NMRK2: variants seen among roughly 807,000 people sequenced by gnomAD.
NMRK2 encodes the protein NRK 2.
A neutral mutation model predicts 24.7 loss-of-function variants in NMRK2; 34 were observed. That is an observed-to-expected ratio of 1.37 (90% CI 1.05 to 1.83). The LOEUF (loss-of-function observed/expected upper bound fraction) is 1.83. Ranked by LOEUF, NMRK2 falls within the 40% of genes most tolerant of loss-of-function variation. The pLI is 0.00. For missense variants in NMRK2, 341 were observed against 315.0 expected (o/e 1.08, Z -0.62); for synonymous variants, 145 against 125.6 (o/e 1.15, Z -1.03).
chr19:3,938,599 C>G lies in NMRK2; in HGVS notation c.167-4C>G. 1.9e-6 allele frequency: 3 copies of G among 1,562,502 alleles called. No individual in the cohort carries two copies. The highest frequency in any genetic ancestry group is 2.6e-6 in the Non-Finnish European group (3 of 1,151,088). ...TCCTGCAATGCCTGCTCCCCTTTCCCCAGTGCTGGAGTCTCTGGACATGGA... is the reference window on the plus strand; with the variant it reads ...TCCTGCAATGCCTGCTCCCCTTTCCGCAGTGCTGGAGTCTCTGGACATGGA... On this transcript the variant is annotated splice_region_variant and splice_polypyrimidine_tract_variant and intron_variant, in intron 4 of 7. Coordinates refer to ENST00000168977, the MANE Select transcript of NMRK2 (RefSeq NM_170678.3).
chr19:3,942,254 C>G lies in NMRK2; in HGVS notation c.674C>G (p.Ser225Cys), dbSNP rs1471208711. Reference protein sequence around the residue: ...CGHRTARPAASQQDSM With the variant: ...CGHRTARPAACQQDSM ...CACAGAACGGCCAGGCCTGCAGCGT[C>G]CCAGCAGGACAGCATGTGAGCGTTT... The change falls in exon 8 of 8, where the codon TCC (serine) becomes TGC (cysteine). Residue 225 changes from serine to cysteine, a missense_variant. Ser to Cys is a moderately radical substitution (Grantham distance 112). Coordinates refer to ENST00000168977, the MANE Select transcript of NMRK2 (RefSeq NM_170678.3). The G allele has an allele frequency of 6.2e-7, 1 of 1,610,344 alleles. No individual in the cohort carries two copies. The highest frequency in any genetic ancestry group is 1.7e-5 in the Admixed American group (1 of 59,456).
In NMRK2 at chr19:3,936,643, T is replaced by C; in HGVS notation, c.95T>C (p.Ile32Thr). The part of the protein sequence containing the change: ...LLRALPNCCV[I>T]HQDDFFKPQD... The stretch of plus-strand genomic sequence containing the variant: ...AGAGCCCTGCCCAACTGCTGCGTGA[T>C]CCATCAGGATGACTTCTTCAAGGTG... The change falls in exon 3 of 8, where the codon ATC becomes ACC. Residue 32 changes from isoleucine to threonine, a missense_variant. Coordinates refer to ENST00000168977, the MANE Select transcript of NMRK2 (RefSeq NM_170678.3). The C allele has an allele frequency of 1.3e-6, 2 of 1,570,664 alleles. No homozygotes were observed. The highest frequency in any genetic ancestry group is 1.7e-6 in the Non-Finnish European group (2 of 1,158,154).
intron 2 of NMRK2, among the ~76,000 whole-genome samples, chr19:3,934,779 C>T (rs2039185095): frequency 6.6e-6 from 1 of 151,896 alleles, no homozygotes; most frequent in Non-Finnish European, 1.5e-5. Context: ...TGGGGGGTTT[C>T]ACCATGTTGG....
intron 2 of NMRK2, among the ~76,000 whole-genome samples, chr19:3,936,144 G>C (rs1446375114): frequency 1.3e-5 from 2 of 151,906 alleles, no homozygotes; most frequent in African/African-American, 2.4e-5. Flanking sequence ...CTGGGAGGCA[G>C]AGGTTGCAGT....
chr19:3,936,941 C>T (rs575552063), intron 3 of NMRK2, among the ~76,000 whole-genome samples: 2 of 152,284 alleles, frequency 1.3e-5, no homozygotes, highest in East Asian at 3.9e-4. Context: ...GGGAAAGCCA[C>T]CATTCCTCCA....
chr19:3,939,513 C>CA (rs898664159), intron 5 of NMRK2, among the ~76,000 whole-genome samples: 319 of 148,934 alleles, frequency 2.1e-3, no homozygotes, highest in African/African-American at 7.3e-3. Context: ...GACTCCATCT[C>CA]AAAAAAAAAA....
At chr19:3,941,344 G>A (rs1292537198) in intron 7 of NMRK2, among the ~76,000 whole-genome samples, 167 bp downstream of exon 7, 2 of 151,672 alleles carry the variant, frequency 1.3e-5, no homozygotes, top group Admixed American at 1.3e-4. Flanking sequence ...CCGCCTCCCA[G>A]GTTCAAGCCA....
At chr19:3,940,670 G>C (rs1191767915) in intron 6 of NMRK2, among the ~76,000 whole-genome samples, 1 of 151,292 alleles carries the variant, frequency 6.6e-6, no homozygotes, top group Non-Finnish European at 1.5e-5. Context: ...GGGAGGTGGA[G>C]GTTGCAGTGA....
chr19:3,936,756 C>T, intron 3 of NMRK2, 91 bp downstream of exon 3: 1 of 1,090,806 alleles, frequency 9.2e-7, no homozygotes, highest in Non-Finnish European at 1.3e-6. Context: ...TGCCCAGTGC[C>T]CGTGTGGGCT....
chr19:3,938,021 T>C (rs750389339), intron 4 of NMRK2, among the ~76,000 whole-genome samples: 3,711 of 35,206 alleles, frequency 0.11, 43 homozygotes, highest in African/African-American at 0.12. Flanking sequence ...CCCCGGGGTC[T>C]GCCCTCCTGC....
chr19:3,934,111 G>A (rs1258351450), intron 2 of NMRK2, among the ~76,000 whole-genome samples: 6 of 152,116 alleles, frequency 3.9e-5, no homozygotes, highest in African/African-American at 1.4e-4. Flanking sequence ...AGCTGGGCAC[G>A]GTGGTGCATA....
intron 4 of NMRK2, among the ~76,000 whole-genome samples, chr19:3,937,919 C>A (rs1484145578): frequency 2.5e-5 from 3 of 119,950 alleles, no homozygotes; most frequent in Non-Finnish European, 3.5e-5. Context: ...TCCACTGTTC[C>A]CCCGGGGTCC....
At chr19:3,941,565 G>A (rs895941149) in intron 7 of NMRK2, among the ~76,000 whole-genome samples, 2 of 151,796 alleles carry the variant, frequency 1.3e-5, no homozygotes, top group Non-Finnish European at 2.9e-5. Context: ...CATTCTAAAC[G>A]CCCTTCAGTA....
intron 7 of NMRK2, among the ~76,000 whole-genome samples, chr19:3,941,579 C>A (rs952433529): frequency 6.6e-6 from 1 of 151,924 alleles, no homozygotes; most frequent in African/African-American, 2.4e-5. Context: ...TTCAGTACTC[C>A]CCACTCAGGA....
Position 3,941,196 on chromosome 19 carries a change from C to T in NMRK2, c.502+19C>T, listed in dbSNP as rs199748020. 342 of 1,420,124 alleles carry T rather than the reference C, an allele frequency of 2.4e-4. No homozygotes were observed. Among genetic ancestry groups the T allele is most frequent in the Middle Eastern group, 1.6e-3 (9 of 5,654 alleles). The allele number at this position is 1,420,124 out of a possible 1,614,324, so 88.0% of individuals were successfully genotyped here. A position where few individuals can be genotyped will look rare whatever the true frequency, so the allele number is the denominator to read the frequency against. On this transcript the variant is annotated intron_variant, in intron 7 of 7. Coordinates refer to ENST00000168977, the MANE Select transcript of NMRK2 (RefSeq NM_170678.3). Reference sequence around the variant, plus strand: ...GAAGTGGGTAAGCCCCTGAGCATGACCAGGCCTTGCCCCGGGCGGGCGGGG... The same window carrying T: ...GAAGTGGGTAAGCCCCTGAGCATGATCAGGCCTTGCCCCGGGCGGGCGGGG...
chr19:3,936,713 G>T, intron 3 of NMRK2, 48 bp downstream of exon 3: 1 of 1,481,412 alleles, frequency 6.8e-7, no homozygotes, highest in Non-Finnish European at 9.1e-7. Flanking sequence ...GATGCAGGGT[G>T]GGCAGCCAGG....
In NMRK2 at chr19:3,941,119, C is replaced by G; in HGVS notation, c.444C>G (p.His148Gln). Residue 148 changes from histidine (H) to glutamine (Q), a missense_variant, in exon 7 of 8, where the codon CAC becomes CAG. Physicochemically the swap from His to Gln is conservative, Grantham distance 24 (BLOSUM62 0). Transcript: ENST00000168977. Reference protein sequence around the residue: ...VPDPPGLFDGHVWPMYQKYRQ... With the variant: ...VPDPPGLFDGQVWPMYQKYRQ... The stretch of plus-strand genomic sequence containing the variant: ...ATCCCCCCGGCCTCTTCGATGGCCA[C>G]GTGTGGCCCATGTACCAGAAGTATA... 1 of 1,504,842 alleles carries G rather than the reference C, an allele frequency of 6.6e-7. No individual in the cohort carries two copies. The highest frequency in any genetic ancestry group is 1.1e-5 in the South Asian group (1 of 89,414). The allele number at this position is 1,504,842 out of a possible 1,614,324, so 93.2% of individuals were successfully genotyped here.
chr19:3,938,849 G>GTTTTTTTTT (rs59201914), intron 5 of NMRK2, 90 bp downstream of exon 5: 1 of 215,804 alleles, frequency 4.6e-6, no homozygotes, highest in African/African-American at 3.9e-5. Flanking sequence ...TTTTTGTTTT[G>GTTTTTTTTT]TTTTTTTTTT....
Position 3,942,407 on chromosome 19 carries a change from G to A in NMRK2, c.*134G>A. ...CAGCTTCAGTAGTAAACTGGGTCCT[G>A]TTTTTTTAACTGTTGGTGTCTACCG... On this transcript the variant is annotated 3_prime_UTR_variant, in exon 8 of 8. Transcript: ENST00000168977. 1.3e-6 allele frequency: 1 copy of A among 766,438 alleles called. No homozygotes were observed. Among genetic ancestry groups the A allele is most frequent in the South Asian group, 1.8e-5 (1 of 54,722 alleles). 47.5% of individuals were successfully genotyped at this position (766,438 alleles called of 1,614,324 possible). A position where few individuals can be genotyped will look rare whatever the true frequency, so the allele number is the denominator to read the frequency against.
Sources: allele counts gnomAD v4.1 joint callset (sites outside exome capture counted in the v4.1 genomes callset), GRCh38; gene constraint gnomAD v4.1.1; transcripts MANE v1.5; gene names NCBI Gene and HGNC (gene_info 2026-07-23, HGNC 2026-07-21).